ALDH1A1: variants seen among roughly 807,000 people sequenced by gnomAD.
The protein encoded by ALDH1A1 is aldehyde dehydrogenase 1A1.
A neutral mutation model predicts 62.1 loss-of-function variants in ALDH1A1; 19 were observed. That is an observed-to-expected ratio of 0.31 (90% CI 0.21 to 0.45). The LOEUF is 0.45. Among genes scored for constraint, ALDH1A1 ranks in the 20% least tolerant of loss-of-function variants. The pLI is 1.00. For missense variants in ALDH1A1, 521 were observed against 607.1 expected (o/e 0.86, Z 1.49); for synonymous variants, 231 against 215.9 (o/e 1.07, Z -0.61).
At chr9:72,933,078 C>T (rs887970598) in intron 2 of ALDH1A1, among the ~76,000 whole-genome samples, 1 of 152,186 alleles carries the variant, frequency 6.6e-6, no homozygotes, top group African/African-American at 2.4e-5. Flanking sequence ...CCTTTTCTCA[C>T]ATCTTATATG....
chr9:72,917,303 A>G (rs747888426), intron 8 of ALDH1A1, among the ~76,000 whole-genome samples, 199 bp from the exon 9 acceptor site: 13 of 152,174 alleles, frequency 8.5e-5, no homozygotes, highest in Non-Finnish European at 1.5e-4. Flanking sequence ...ATAGAAACAT[A>G]CAGAATCTGA....
At chr9:72,920,038 C>A (rs1357442462) in intron 7 of ALDH1A1, among the ~76,000 whole-genome samples, 3 of 152,082 alleles carry the variant, frequency 2.0e-5, no homozygotes, top group African/African-American at 7.2e-5. Context: ...TTTTTAAAGG[C>A]AATTCACTAT....
At chr9:72,925,002 C>G (rs1290593680) in intron 6 of ALDH1A1, among the ~76,000 whole-genome samples, 1 of 152,162 alleles carries the variant, frequency 6.6e-6, no homozygotes, top group Non-Finnish European at 1.5e-5. Context: ...TGAATATAAA[C>G]ATATCCACTC....
Position 72,934,909 on chromosome 9 carries a change from C to A in ALDH1A1, c.172-3890G>T, listed in dbSNP as rs1449759877. On this transcript the variant is annotated intron_variant, in intron 2 of 12. Coordinates refer to ENST00000297785, the MANE Select transcript of ALDH1A1 (RefSeq NM_000689.5). ...AGTTCTTACATCTCTGTAAGGCTGC[C>A]CTAATAATGACCTCCTTTGCAACAA... is the stretch of plus-strand genomic sequence containing the variant. 2.0e-5 allele frequency among the ~76,000 whole-genome samples: 3 copies of A among 150,488 alleles called. No homozygotes were observed. In the East Asian group the frequency reaches 5.8e-4, roughly 29 times the overall value.
At chr9:72,914,557 C>T (rs1830036280) in intron 9 of ALDH1A1, among the ~76,000 whole-genome samples, 1 of 152,108 alleles carries the variant, frequency 6.6e-6, no homozygotes, top group South Asian at 2.1e-4. Flanking sequence ...TAAGGTGCTA[C>T]TCTGTGATAA....
intron 9 of ALDH1A1, among the ~76,000 whole-genome samples, chr9:72,915,163 T>G (rs4646546): frequency 4.2e-4 from 64 of 152,330 alleles, no homozygotes; most frequent in African/African-American, 1.4e-3. Flanking sequence ...TATTCATTTA[T>G]AGAAACTAAA....
intron 11 of ALDH1A1, among the ~76,000 whole-genome samples, chr9:72,909,345 C>T (rs929580190): frequency 2.6e-5 from 4 of 151,542 alleles, no homozygotes; most frequent in African/African-American, 9.7e-5. Context: ...GTAGACATGG[C>T]GTTTCACCAT....
chr9:72,928,946 A>G lies in ALDH1A1; in HGVS notation c.388T>C (p.Leu130=), dbSNP rs758363805. ...LNDLAGCIKT[L]RYCAGWADKI... The stretch of plus-strand genomic sequence containing the variant: ...TCAGCCCAACCTGCACAGTAGCGCA[A>G]TGTTTTGATGCAGCCTGCTAAATCA... The change falls in exon 4 of 13, where the codon TTG becomes CTG. Residue 130 remains leucine (L), a synonymous_variant. Coordinates refer to ENST00000297785, the MANE Select transcript of ALDH1A1 (RefSeq NM_000689.5). 3.1e-6 allele frequency: 5 copies of G among 1,614,034 alleles called. No individual in the cohort carries two copies. The highest frequency in any genetic ancestry group is 1.1e-5 in the South Asian group (1 of 91,080).
rs35843379 is a variant in ALDH1A1, at chr9:72,908,506, C to CGAAA, written c.1358+1092_1358+1095dup. 2.6e-3 allele frequency among the ~76,000 whole-genome samples: 164 copies of CGAAA among 62,992 alleles called. 3 individuals are homozygous for CGAAA. The highest frequency in any genetic ancestry group is 5.7e-3 in the African/African-American group (68 of 11,972). The allele number at this position is 62,992 out of a possible 152,430, so 41.3% of individuals were successfully genotyped here. ...AGAAAGAGAAAGAGAGAGAGAGAGA[C>CGAAA]GAAAGAAAGAAAGAAAGAAAGAAAG... On this transcript the variant is annotated intron_variant, in intron 11 of 12. Transcript: ENST00000297785.
At chr9:72,919,980 A>G (rs1206039469) in intron 7 of ALDH1A1, among the ~76,000 whole-genome samples, 2 of 151,824 alleles carry the variant, frequency 1.3e-5, no homozygotes, top group Admixed American at 1.3e-4. Context: ...TTTCTTTTTT[A>G]TTATTTGTAT....
At chr9:72,949,664 C>T (rs35965289) in intron 1 of ALDH1A1, among the ~76,000 whole-genome samples, 64,097 of 139,910 alleles carry the variant, frequency 0.46, 16,379 homozygotes, top group Non-Finnish European at 0.58. Context: ...TGTGTGTGTG[C>T]GTGTGTGTGT....
chr9:72,927,603 C>T (rs1010041574), intron 4 of ALDH1A1, among the ~76,000 whole-genome samples: 2 of 151,964 alleles, frequency 1.3e-5, no homozygotes, highest in Admixed American at 6.6e-5. Flanking sequence ...AGGTCTCTGG[C>T]GAAGAGAAGA....
intron 1 of ALDH1A1, among the ~76,000 whole-genome samples, chr9:72,941,273 G>A (rs1393044861): frequency 6.6e-6 from 1 of 152,098 alleles, no homozygotes; most frequent in Non-Finnish European, 1.5e-5. Flanking sequence ...CCCCGAGGGA[G>A]AATGTAATGA....
chr9:72,934,894 T>C (rs8187910), intron 2 of ALDH1A1, among the ~76,000 whole-genome samples: 16,511 of 152,112 alleles, frequency 0.11, 991 homozygotes, highest in African/African-American at 0.15. Context: ...AGTTCTTACA[T>C]CTCTGTAAGG....
intron 2 of ALDH1A1, among the ~76,000 whole-genome samples, chr9:72,935,593 G>A (rs111828325): frequency 3.9e-5 from 6 of 152,228 alleles, no homozygotes; most frequent in African/African-American, 7.2e-5. Flanking sequence ...TATTTGTTAG[G>A]TCATGCCTTA....
chr9:72,910,780 G>A (rs1417839532), intron 10 of ALDH1A1, among the ~76,000 whole-genome samples: 1 of 152,042 alleles, frequency 6.6e-6, no homozygotes, highest in Non-Finnish European at 1.5e-5. Flanking sequence ...TAGAAGGGAG[G>A]GGCTGCTGTT....
At chr9:72,926,097 T>C (rs566414787) in intron 5 of ALDH1A1, among the ~76,000 whole-genome samples, 1 of 152,298 alleles carries the variant, frequency 6.6e-6, no homozygotes, top group East Asian at 1.9e-4. Context: ...CTCAGCTCAA[T>C]CACTGACCAG....
At chr9:72,908,554 AGAAAGAAAGAAAG>A (rs1564622489) in intron 11 of ALDH1A1, among the ~76,000 whole-genome samples, 2 of 3,544 alleles carry the variant, frequency 5.6e-4, no homozygotes, top group East Asian at 0.017. Flanking sequence ...AAAAGAAAGA[AGAAAGAAAGAAAG>A]AAAGAAAGAA....
intron 9 of ALDH1A1, among the ~76,000 whole-genome samples, chr9:72,914,818 A>T (rs181285994): frequency 2.0e-5 from 3 of 152,126 alleles, no homozygotes; most frequent in African/African-American, 7.2e-5. Context: ...TTTTTCCCCT[A>T]AAACAAATCG....
Sources: gnomAD v4.1 joint callset for allele counts (sites outside exome capture counted in the v4.1 genomes callset) on GRCh38, gnomAD v4.1.1 for gene constraint, MANE v1.5 for transcripts, NCBI Gene and HGNC (gene_info 2026-07-23, HGNC 2026-07-21) for gene names.